Variants in SV2B observed in about 807,000 individuals in gnomAD.
SV2B encodes the protein synaptic vesicle glycoprotein 2B, also known as solute carrier family 22 member B2.
In SV2B, 41 loss-of-function variants were observed where a neutral mutation model predicts 73.9. The observed-to-expected ratio is 0.56, with a 90% confidence interval of 0.43 to 0.72. SV2B has a LOEUF of 0.72. SV2B is among the 30% of genes least tolerant of loss of function. The probability of loss-of-function intolerance (pLI) is 0.00; values close to 1 mark genes in which losing one functional copy is unlikely to be tolerated. For synonymous variants in SV2B, 314 were observed against 314.2 expected, an observed-to-expected ratio of 1.00 and a Z score of 0.01; for missense variants, 764 against 857.8, an observed-to-expected ratio of 0.89 and a Z score of 1.37.
At chr15:91,148,443 G>T (rs970665477) in intron 1 of SV2B, among the ~76,000 whole-genome samples, 2 of 152,108 alleles carry the variant, frequency 1.3e-5, no homozygotes, top group South Asian at 4.1e-4. Flanking sequence ...AGTGAGAAGC[G>T]ATGAGGCGTG....
Position 91,278,678 on chromosome 15 carries a change from C to CAAAAAAAA in SV2B, c.1374-3036_1374-3029dup, listed in dbSNP as rs746732650. On this transcript the variant is annotated intron_variant, in intron 9 of 12. Coordinates refer to ENST00000394232, the MANE Select transcript of SV2B (RefSeq NM_001323032.3). ...TGGGCGACAGAGCGAGACTCCGTCT[C>CAAAAAAAA]AAAAAAAAAAAAAAAAAAAAAGAAG... Among the ~76,000 whole-genome samples the CAAAAAAAA allele has an allele frequency of 8.2e-3, 344 of 42,110 alleles. 42 individuals are homozygous for CAAAAAAAA. Among genetic ancestry groups the CAAAAAAAA allele is most frequent in the African/African-American group, 0.025 (192 of 7,832 alleles). 27.6% of individuals were successfully genotyped at this position (42,110 alleles called of 152,430 possible). A position where few individuals can be genotyped will look rare whatever the true frequency, so the allele number is the denominator to read the frequency against.
chr15:91,223,648 C>T lies in SV2B; in HGVS notation c.-391-2225C>T. On this transcript the variant is annotated intron_variant, in intron 1 of 12. Transcript: ENST00000394232. The surrounding 1 kb of genome is among the most constrained non-coding windows in gnomAD (Gnocchi z 4.6). ...GTTTTTATAGCGCTCTGCAAACTCT[C>T]CTGCTGTTTACATGTGACTTATATT... is the stretch of plus-strand genomic sequence containing the variant. 6.6e-6 allele frequency among the ~76,000 whole-genome samples: 1 copy of T among 152,174 alleles called. No homozygotes were observed. Among genetic ancestry groups the T allele is most frequent in the East Asian group, 1.9e-4 (1 of 5,198 alleles).
At chr15:91,154,159 T>C (rs2141226864) in intron 1 of SV2B, among the ~76,000 whole-genome samples, 1 of 147,918 alleles carries the variant, frequency 6.8e-6, no homozygotes, top group South Asian at 2.1e-4. Context: ...TATTATAAAA[T>C]TATATTATAG....
At position 91,283,408 on chromosome 15, in the gene SV2B, C is replaced by T. The variant is rs1254717936; in HGVS notation, c.1508-613C>T. Among the ~76,000 whole-genome samples, 1 of 151,994 alleles carries T rather than the reference C, an allele frequency of 6.6e-6. No homozygotes were observed. Among genetic ancestry groups the T allele is most frequent in the Non-Finnish European group, 1.5e-5 (1 of 67,990 alleles). On this transcript the variant is annotated intron_variant, in intron 10 of 12. Coordinates refer to ENST00000394232, the MANE Select transcript of SV2B (RefSeq NM_001323032.3). The surrounding 1 kb of genome is among the most constrained non-coding windows in gnomAD (Gnocchi z 4.3). ...GTGTCTCAGTGTCACCTGATTGGTA[C>T]AAACAGGACTGTTATCCAGCTGGAG...
At chr15:91,108,287 A>G (rs918313911) in intron 1 of SV2B, among the ~76,000 whole-genome samples, 7 of 152,336 alleles carry the variant, frequency 4.6e-5, no homozygotes, top group African/African-American at 1.4e-4. Flanking sequence ...AAGGTGCCTC[A>G]GAGGAAAACT....
Position 91,231,585 on chromosome 15 carries a change from A to C in SV2B, c.451+4871A>C, listed in dbSNP as rs539208285. Among the ~76,000 whole-genome samples, 4 of 152,208 alleles carry C rather than the reference A, an allele frequency of 2.6e-5. No individual in the cohort carries two copies. The South Asian group carries it at 8.3e-4, about 32-fold the overall frequency. ...TATTGGCGACACGTAAGGCAAACCA[A>C]CCCCATCCTTTTCTGCCTGCATTTG... On this transcript the variant is annotated intron_variant, in intron 2 of 12. Coordinates refer to ENST00000394232, the MANE Select transcript of SV2B (RefSeq NM_001323032.3). This position sits in a 1 kb window ranked among gnomAD's most constrained non-coding sequence, Gnocchi z 4.5.
intron 2 of SV2B, among the ~76,000 whole-genome samples, chr15:91,251,592 C>T (rs2047483206): frequency 6.6e-6 from 1 of 152,200 alleles, no homozygotes; most frequent in African/African-American, 2.4e-5. Flanking sequence ...TTTGGTTGAT[C>T]TGTGTTAGTC....
In SV2B at chr15:91,234,130, C is replaced by T. The variant is rs1332500716; in HGVS notation, c.451+7416C>T. 2.0e-5 allele frequency among the ~76,000 whole-genome samples: 3 copies of T among 152,052 alleles called. No homozygotes were observed. Among genetic ancestry groups the T allele is most frequent in the African/African-American group, 4.8e-5 (2 of 41,392 alleles). On this transcript the variant is annotated intron_variant, in intron 2 of 12. Transcript: ENST00000394232. This position sits in a 1 kb window ranked among gnomAD's most constrained non-coding sequence, Gnocchi z 5.6. The stretch of plus-strand genomic sequence containing the variant: ...AAATGTGGCCCATAGTAAATGAAGT[C>T]GAAATGCCAGACCTATGTTGGTTTA...
intron 2 of SV2B, among the ~76,000 whole-genome samples, chr15:91,228,200 T>G (rs895162365): frequency 6.6e-6 from 1 of 152,116 alleles, no homozygotes; most frequent in Non-Finnish European, 1.5e-5. Context: ...TGATTAGAAC[T>G]GTGTCAGATA....
intron 1 of SV2B, among the ~76,000 whole-genome samples, chr15:91,170,319 ACT>A (rs1435150250): frequency 1.3e-5 from 2 of 151,890 alleles, no homozygotes; most frequent in African/African-American, 4.8e-5. Context: ...ATGGAGTCTC[ACT>A]CTGTCACCCA....
At position 91,227,482 on chromosome 15, in the gene SV2B, T is replaced by A. The variant is rs899554580; in HGVS notation, c.451+768T>A. On this transcript the variant is annotated intron_variant, in intron 2 of 12. Coordinates refer to ENST00000394232, the MANE Select transcript of SV2B (RefSeq NM_001323032.3). The surrounding 1 kb of genome is among the most constrained non-coding windows in gnomAD (Gnocchi z 4.5). ...AGCATTTGTCTTTAGTCACCAAATGTCCTGAAAAATGTATCTACCCTCTAA... is the reference window on the plus strand; with the variant it reads ...AGCATTTGTCTTTAGTCACCAAATGACCTGAAAAATGTATCTACCCTCTAA... Among the ~76,000 whole-genome samples the A allele has an allele frequency of 2.6e-5, 4 of 152,200 alleles. No homozygotes were observed. Among genetic ancestry groups the A allele is most frequent in the Non-Finnish European group, 5.9e-5 (4 of 68,032 alleles).
Position 91,121,413 on chromosome 15 carries a change from G to C in SV2B, c.-392+21050G>C, listed in dbSNP as rs1199819223. 2.0e-5 allele frequency among the ~76,000 whole-genome samples: 3 copies of C among 152,182 alleles called. No homozygotes were observed. The highest frequency in any genetic ancestry group is 4.4e-5 in the Non-Finnish European group (3 of 68,032). The stretch of plus-strand genomic sequence containing the variant: ...CCCAATGATCCTAATGTGCAGCCAA[G>C]ACCCAGTGACAGAGCAAACCTTCAA... On this transcript the variant is annotated intron_variant, in intron 1 of 12. Transcript: ENST00000394232. This position sits in a 1 kb window ranked among gnomAD's most constrained non-coding sequence, Gnocchi z 4.4.
intron 1 of SV2B, among the ~76,000 whole-genome samples, chr15:91,190,842 A>C (rs1284879278): frequency 6.6e-6 from 1 of 151,966 alleles, no homozygotes; most frequent in Non-Finnish European, 1.5e-5. Flanking sequence ...CTCCAGCTAC[A>C]ATGGTTGATT....
rs374633106 is a variant in SV2B at position 91,284,215 on chromosome 15, A to G, written c.1702A>G (p.Met568Val). 5.6e-6 allele frequency: 9 copies of G among 1,614,010 alleles called. No homozygotes were observed. In the African/African-American group the frequency reaches 6.7e-5, roughly 12 times the overall value. The change falls in exon 11 of 13, where the codon ATG (methionine) becomes GTG (valine). Residue 568 changes from methionine (M) to valine (V), a missense_variant. Physicochemically the swap from Met to Val is conservative, Grantham distance 21 (BLOSUM62 1). Transcript: ENST00000394232. This position sits in a 1 kb window ranked among gnomAD's most constrained non-coding sequence, Gnocchi z 4.5. ...CATGGATAGAATTGGAAGGCTCAAG[A>G]TGATTGGTGAGTTGCCAGCAGGGTC... The part of the protein sequence containing the change: ...LLMDRIGRLK[M>V]IGGSMLISAV...
At chr15:91,181,310 G>A (rs2044548471) in intron 1 of SV2B, among the ~76,000 whole-genome samples, 1 of 129,786 alleles carries the variant, frequency 7.7e-6, no homozygotes, top group Non-Finnish European at 1.7e-5. Flanking sequence ...CCTACTGGGG[G>A]GTGCCTCCCA....
intron 1 of SV2B, among the ~76,000 whole-genome samples, chr15:91,211,384 C>T (rs1304180029): frequency 6.6e-6 from 1 of 152,176 alleles, no homozygotes; most frequent in Non-Finnish European, 1.5e-5. Flanking sequence ...TGGCAGTCTT[C>T]AGGATCACAC....
At chr15:91,164,045 A>G (rs186143192) in intron 1 of SV2B, among the ~76,000 whole-genome samples, 417 of 152,080 alleles carry the variant, frequency 2.7e-3, no homozygotes, top group Non-Finnish European at 5.0e-3. Context: ...TCTTGTTTTT[A>G]TCAGGTTTGT....
intron 1 of SV2B, among the ~76,000 whole-genome samples, chr15:91,145,276 A>G (rs1471858526): frequency 6.6e-6 from 1 of 152,182 alleles, no homozygotes; most frequent in Non-Finnish European, 1.5e-5. Context: ...TTTGCTAAGG[A>G]TAAGGTTTCC....
At chr15:91,131,802 A>T (rs1004015288) in intron 1 of SV2B, among the ~76,000 whole-genome samples, 1 of 152,172 alleles carries the variant, frequency 6.6e-6, no homozygotes, top group African/African-American at 2.4e-5. Context: ...GTCTCTACTA[A>T]AAATACAAAA....
Sources: gnomAD v4.1 joint callset for allele counts (sites outside exome capture counted in the v4.1 genomes callset) on GRCh38, gnomAD v4.1.1 for gene constraint, Gnocchi (gnomAD v3.1) non-coding constraint, MANE v1.5 for transcripts, NCBI Gene and HGNC (gene_info 2026-07-23, HGNC 2026-07-21) for gene names.